FRMD4A: variants seen among roughly 807,000 people sequenced by gnomAD.
FRMD4A encodes the protein FERM domain-containing protein 4A.
Under a neutral mutation model 129.1 loss-of-function variants are expected in FRMD4A, and 29 were observed. The ratio of observed to expected loss-of-function variants is 0.22; its 90% CI spans 0.17 to 0.31. The LOEUF is 0.31. FRMD4A is among the 10% of genes least tolerant of loss of function. The probability of loss-of-function intolerance (pLI) is 1.00; values close to 1 mark genes in which losing one functional copy is unlikely to be tolerated. For missense variants in FRMD4A, 1,272 were observed against 1,375.8 expected, an observed-to-expected ratio of 0.92 and a Z score of 1.19; for synonymous variants, 634 against 571.6, an observed-to-expected ratio of 1.11 and a Z score of -1.56.
At chr10:14,181,447 G>T (rs1395292716) in intron 2 of FRMD4A, among the ~76,000 whole-genome samples, 1 of 152,184 alleles carries the variant, frequency 6.6e-6, no homozygotes, top group East Asian at 1.9e-4. Context: ...CATCTGGGCG[G>T]AAGCAATGCC....
chr10:13,743,197 G>A (rs1021517725), intron 9 of FRMD4A, among the ~76,000 whole-genome samples: 7 of 152,142 alleles, frequency 4.6e-5, no homozygotes, highest in African/African-American at 7.2e-5. Context: ...CCCACATGCC[G>A]AGGAAGTTCT....
At chr10:13,848,970 CAT>C (rs2094100801) in intron 3 of FRMD4A, among the ~76,000 whole-genome samples, 1 of 152,126 alleles carries the variant, frequency 6.6e-6, no homozygotes, top group Admixed American at 6.5e-5. Context: ...TATATCTTAC[CAT>C]GTCTTTCTTC....
chr10:13,891,759 C>T (rs1279812572), intron 2 of FRMD4A: 9 of 982,312 alleles, frequency 9.2e-6, no homozygotes, highest in South Asian at 4.7e-5. Context: ...AGCTGGCGAG[C>T]CCCCGCCCCG....
At chr10:14,019,281 CATAGCTCTAT>C (rs1233997213) in intron 2 of FRMD4A, among the ~76,000 whole-genome samples, 2 of 152,122 alleles carry the variant, frequency 1.3e-5, no homozygotes, top group African/African-American at 4.8e-5. Flanking sequence ...AGAGGAGTTA[CATAGCTCTAT>C]TGAAAATCTT....
At chr10:14,069,935 G>T (rs1835238561) in intron 2 of FRMD4A, among the ~76,000 whole-genome samples, 1 of 152,060 alleles carries the variant, frequency 6.6e-6, no homozygotes, top group African/African-American at 2.4e-5. Context: ...TATTAAGGAA[G>T]TATTATTAAG....
At chr10:14,171,447 A>G (rs895028590) in intron 2 of FRMD4A, among the ~76,000 whole-genome samples, 1 of 152,210 alleles carries the variant, frequency 6.6e-6, no homozygotes, top group African/African-American at 2.4e-5. Context: ...CAATGCACTA[A>G]CTGTGATTAG....
intron 2 of FRMD4A, among the ~76,000 whole-genome samples, chr10:14,261,397 T>C (rs998045142): frequency 1.3e-5 from 2 of 152,236 alleles, no homozygotes. Context: ...GTAACTAATC[T>C]GACTGCTGTT....
intron 22 of FRMD4A, among the ~76,000 whole-genome samples, 155 bp downstream of exon 22, chr10:13,656,481 C>G (rs374644243): frequency 1.3e-5 from 2 of 152,172 alleles, no homozygotes; most frequent in African/African-American, 4.8e-5. Flanking sequence ...GACCTCAAGT[C>G]TCCCGCATCT....
In FRMD4A at chr10:13,796,592, A is replaced by C; in HGVS notation, c.207-4T>G. 1 of 1,529,778 alleles carries C rather than the reference A, an allele frequency of 6.5e-7. No individual in the cohort carries two copies. The allele number at this position is 1,529,778 out of a possible 1,614,324, so 94.8% of individuals were successfully genotyped here. ...CTGAAGCCAGTTTAAGTGTCCCCTG[A>C]AGAAAATAGAGACAAATTGGTTAGG... is the stretch of plus-strand genomic sequence containing the variant. On this transcript the variant is annotated splice_region_variant and splice_polypyrimidine_tract_variant and intron_variant, in intron 4 of 24. Transcript: ENST00000357447.
intron 2 of FRMD4A, among the ~76,000 whole-genome samples, chr10:13,886,646 T>C (rs2094625286): frequency 6.6e-6 from 1 of 152,136 alleles, no homozygotes; most frequent in Non-Finnish European, 1.5e-5. Flanking sequence ...AATGGTGCAA[T>C]CATAGCTCAC....
At chr10:13,934,027 A>T (rs2095227010) in intron 2 of FRMD4A, among the ~76,000 whole-genome samples, 1 of 152,184 alleles carries the variant, frequency 6.6e-6, no homozygotes, top group South Asian at 2.1e-4. Context: ...GAACATTGAA[A>T]CCATTATGAA....
chr10:13,761,662 T>C lies in FRMD4A; in HGVS notation c.449A>G (p.Lys150Arg). The change falls in exon 8 of 25, where the codon AAG becomes AGG. Residue 150 changes from lysine to arginine, a missense_variant. By Grantham distance (26) the Lys-to-Arg change is conservative. Around this residue, in one of 2 missense-constraint regions of FRMD4A, gnomAD observed 300 missense variants for 483.6 expected, o/e 0.62. Coordinates refer to ENST00000357447, the MANE Select transcript of FRMD4A (RefSeq NM_018027.5). ...GTAAACTTACCTAGAAAAATCTCCC[T>C]TTGCCTCCTGTAGAAGAAAAAATTC... ...ELASYILQEAKGDFSSNEVVR... is the reference protein window; with the variant it reads ...ELASYILQEARGDFSSNEVVR... 6.2e-7 allele frequency: 1 copy of C among 1,604,992 alleles called. No homozygotes were observed. The highest frequency in any genetic ancestry group is 1.1e-5 in the South Asian group (1 of 89,962).
intron 2 of FRMD4A, among the ~76,000 whole-genome samples, chr10:13,919,541 A>G (rs2095047022): frequency 6.6e-6 from 1 of 152,142 alleles, no homozygotes. Flanking sequence ...TATAAAATTA[A>G]ATTTTTTAAA....
intron 2 of FRMD4A, among the ~76,000 whole-genome samples, chr10:14,329,067 G>A (rs941818858): frequency 3.3e-5 from 5 of 152,164 alleles, no homozygotes; most frequent in Non-Finnish European, 7.3e-5. Context: ...CCACCCAGGG[G>A]GCAGGCTTCC....
chr10:14,043,740 C>T (rs991665062), intron 2 of FRMD4A, among the ~76,000 whole-genome samples: 1 of 152,234 alleles, frequency 6.6e-6, no homozygotes, highest in Non-Finnish European at 1.5e-5. Flanking sequence ...AAATTGACTT[C>T]TCATCAAACT....
chr10:13,747,885 C>G (rs1390004513), intron 8 of FRMD4A, 66 bp from the exon 9 acceptor site: 1 of 881,686 alleles, frequency 1.1e-6, no homozygotes, highest in South Asian at 1.3e-5. Context: ...TCTGATACCA[C>G]TTGGGCCGCT....
intron 2 of FRMD4A, among the ~76,000 whole-genome samples, chr10:13,866,721 A>T (rs2131067384): frequency 6.6e-6 from 1 of 152,334 alleles, no homozygotes; most frequent in Non-Finnish European, 1.5e-5. Flanking sequence ...GCGCTTTGGG[A>T]GGCCGAGGTG....
chr10:13,882,609 G>T (rs1198851861), intron 2 of FRMD4A, among the ~76,000 whole-genome samples: 1 of 152,184 alleles, frequency 6.6e-6, no homozygotes, highest in Non-Finnish European at 1.5e-5. Flanking sequence ...CAGATGGACG[G>T]ACAGGCTCCT....
At chr10:13,896,315 T>C (rs1474237009) in intron 2 of FRMD4A, among the ~76,000 whole-genome samples, 1 of 152,148 alleles carries the variant, frequency 6.6e-6, no homozygotes, top group Non-Finnish European at 1.5e-5. Context: ...GTGGCACATA[T>C]ACACCATGGA....
Sources: gnomAD v4.1 joint callset for allele counts (sites outside exome capture counted in the v4.1 genomes callset) on GRCh38, gnomAD v4.1.1 for gene constraint, gnomAD v4.1.1 regional missense constraint, MANE v1.5 for transcripts, NCBI Gene and HGNC (gene_info 2026-07-23, HGNC 2026-07-21) for gene names.